DNAAF5: variants seen among roughly 807,000 people sequenced by gnomAD.
The protein encoded by DNAAF5 is dynein axonemal assembly factor 5.
A neutral mutation model predicts 75.8 loss-of-function variants in DNAAF5; 64 were observed. The ratio of observed to expected loss-of-function variants is 0.84; its 90% CI spans 0.69 to 1.04. The LOEUF is 1.04. Ranked by LOEUF, DNAAF5 falls within the 50% of genes least tolerant of loss-of-function variation. The probability of loss-of-function intolerance (pLI) is 0.00; values close to 1 mark genes in which losing one functional copy is unlikely to be tolerated. For synonymous variants in DNAAF5, 657 were observed against 557.2 expected (o/e 1.18, Z -2.52); for missense variants, 1,269 against 1,178.5 (o/e 1.08, Z -1.12).
chr7:785,023 C>A (rs957709483), intron 12 of DNAAF5, among the ~76,000 whole-genome samples: 1 of 151,916 alleles, frequency 6.6e-6, no homozygotes, highest in African/African-American at 2.4e-5. Context: ...TTCTGACTGC[C>A]GTCCACCCGT....
chr7:746,593 G>A lies in DNAAF5; in HGVS notation c.1024+5128G>A, dbSNP rs550437609. Among the ~76,000 whole-genome samples, 64 of 137,680 alleles carry A rather than the reference G, an allele frequency of 4.6e-4. 1 individual carries two copies. Among genetic ancestry groups the A allele is most frequent in the African/African-American group, 1.6e-3 (59 of 36,340 alleles). 90.3% of individuals were successfully genotyped at this position (137,680 alleles called of 152,430 possible). ...TCTGTGTCGTCCCTTTTCCCCGCCC[G>A]TCGTGCCTAGGGACTGTGACGCCCT... On this transcript the variant is annotated intron_variant, in intron 4 of 12. Transcript: ENST00000297440.
intron 8 of DNAAF5, among the ~76,000 whole-genome samples, chr7:764,932 G>T (rs1343551720): frequency 1.3e-5 from 2 of 152,058 alleles, no homozygotes; most frequent in African/African-American, 4.8e-5. Flanking sequence ...AACCGCACGT[G>T]CACCTCTGAA....
intron 6 of DNAAF5, 68 bp from the exon 7 acceptor site, chr7:761,685 A>G: frequency 6.7e-7 from 1 of 1,500,888 alleles, no homozygotes; most frequent in East Asian, 2.5e-5. Context: ...CTACAGTTCA[A>G]GATGGGATTC....
At chr7:741,053 C>G in intron 3 of DNAAF5, 110 bp downstream of exon 3, 2 of 1,280,248 alleles carry the variant, frequency 1.6e-6, no homozygotes, top group Middle Eastern at 3.8e-4. Context: ...GTCCCTTTGT[C>G]CCTGTGCTCC....
chr7:732,464 G>A (rs1781617227), intron 2 of DNAAF5: 1 of 449,606 alleles, frequency 2.2e-6, no homozygotes. Context: ...CAGCTTTGCT[G>A]CAGTTTTCCT....
chr7:735,262 T>TTCATGGTGTAGCTGC (rs1449595999), intron 2 of DNAAF5, among the ~76,000 whole-genome samples: 2 of 148,526 alleles, frequency 1.3e-5, no homozygotes, highest in African/African-American at 5.0e-5. Flanking sequence ...GGTGTTGTTC[T>TTCATGGTGTAGCTGC]TCATGGTGTA....
chr7:763,231 C>G (rs1376148125), intron 7 of DNAAF5, among the ~76,000 whole-genome samples: 1 of 152,136 alleles, frequency 6.6e-6, no homozygotes, highest in African/African-American at 2.4e-5. Flanking sequence ...AAAGTCTTTG[C>G]CTGCTGGTCA....
intron 11 of DNAAF5, among the ~76,000 whole-genome samples, chr7:779,003 C>T (rs1372592084): frequency 6.6e-6 from 1 of 152,282 alleles, no homozygotes; most frequent in Non-Finnish European, 1.5e-5. Flanking sequence ...GCCCAGCACC[C>T]TCAGGGCCCA....
chr7:773,252 CT>C (rs1162531562), intron 9 of DNAAF5, among the ~76,000 whole-genome samples: 1 of 152,246 alleles, frequency 6.6e-6, no homozygotes, highest in East Asian at 1.9e-4. Flanking sequence ...ATCTACCTGG[CT>C]GGTCCCAACA....
In DNAAF5 at chr7:754,575, C is replaced by CT; in HGVS notation, c.1025-9dup. ...TTGTGAATTTCTCATTCTTCTTTCC[C>CT]TTTTTCGTTCCAGAGCGCCGCCCTG... On this transcript the variant is annotated splice_polypyrimidine_tract_variant and intron_variant, in intron 4 of 12. Transcript: ENST00000297440. The surrounding 1 kb of genome is among the most constrained non-coding windows in gnomAD (Gnocchi z 4.8). 1 of 1,604,756 alleles carries CT rather than the reference C, an allele frequency of 6.2e-7. No homozygotes were observed.
intron 11 of DNAAF5, among the ~76,000 whole-genome samples, chr7:777,896 G>A (rs1319990371): frequency 1.3e-5 from 2 of 152,176 alleles, no homozygotes; most frequent in African/African-American, 2.4e-5. Context: ...AGCGGGCAGA[G>A]GACACGGGAT....
chr7:760,066 G>A (rs62432244), intron 6 of DNAAF5, among the ~76,000 whole-genome samples: 1 of 10,410 alleles, frequency 9.6e-5, no homozygotes, highest in African/African-American at 2.9e-4. Flanking sequence ...CGAGGGAGAC[G>A]GGGCCGCGCG....
At position 727,311 on chromosome 7, in the gene DNAAF5, G is replaced by C. The variant is rs1781363965; in HGVS notation, c.591G>C (p.Thr197=). 8.6e-6 allele frequency: 11 copies of C among 1,282,532 alleles called. No homozygotes were observed. The highest frequency in any genetic ancestry group is 1.1e-5 in the Non-Finnish European group (11 of 1,017,244). The allele number at this position is 1,282,532 out of a possible 1,614,324, so 79.4% of individuals were successfully genotyped here. The change falls in exon 1 of 13, where the codon ACG becomes ACC. Residue 197 remains threonine, a synonymous_variant. Transcript: ENST00000297440. ...CSCAAALAQA[T]PDHFHMQSES... ...GCGCCGCCGCCCTGGCGCAGGCCACGCCCGGTGAGCACCCCGGGCCCCGCT... is the reference window on the plus strand; with the variant it reads ...GCGCCGCCGCCCTGGCGCAGGCCACCCCCGGTGAGCACCCCGGGCCCCGCT...
chr7:782,928 G>C (rs7788710), intron 12 of DNAAF5, among the ~76,000 whole-genome samples: 6,208 of 152,098 alleles, frequency 0.041, 446 homozygotes, highest in African/African-American at 0.14. Context: ...CCTCCCCTCC[G>C]GCGGCATCAG....
intron 2 of DNAAF5, among the ~76,000 whole-genome samples, chr7:735,359 C>T (rs911236145): frequency 5.4e-5 from 8 of 147,676 alleles, no homozygotes; most frequent in African/African-American, 1.0e-4. Flanking sequence ...CTCATGGTGT[C>T]GTTGCTCATA....
chr7:779,127 C>T (rs75889267), intron 11 of DNAAF5, among the ~76,000 whole-genome samples: 1,962 of 152,350 alleles, frequency 0.013, 39 homozygotes, highest in East Asian at 0.12. Context: ...TCATGCCTTT[C>T]GTTACATAGG....
At chr7:743,813 T>C in intron 4 of DNAAF5, among the ~76,000 whole-genome samples, 1 of 151,756 alleles carries the variant, frequency 6.6e-6, no homozygotes, top group Non-Finnish European at 1.5e-5. Context: ...CCCAGCTAAT[T>C]TTGTATTTTT....
chr7:770,846 T>G, intron 9 of DNAAF5: 1 of 467,542 alleles, frequency 2.1e-6, no homozygotes. Context: ...GGTCCCCACC[T>G]CCCTCCCCCA....
intron 8 of DNAAF5, among the ~76,000 whole-genome samples, chr7:767,534 A>G (rs1778351354): frequency 6.6e-6 from 1 of 152,244 alleles, no homozygotes; most frequent in African/African-American, 2.4e-5. Flanking sequence ...AGTTAAATAC[A>G]TAATGATATT....
Sources: gnomAD v4.1 joint callset for allele counts (sites outside exome capture counted in the v4.1 genomes callset) on GRCh38, gnomAD v4.1.1 for gene constraint, Gnocchi (gnomAD v3.1) non-coding constraint, MANE v1.5 for transcripts, NCBI Gene and HGNC (gene_info 2026-07-23, HGNC 2026-07-21) for gene names.